Variants in NCKAP5 observed in about 807,000 individuals in gnomAD.
NCKAP5 encodes NCK associated protein 5, also known as nck-associated protein 5.
In NCKAP5, 92 loss-of-function variants were observed where a neutral mutation model predicts 167.0. The observed-to-expected ratio is 0.55, with a 90% confidence interval of 0.47 to 0.66. The LOEUF (loss-of-function observed/expected upper bound fraction) is 0.66, where lower values mean the gene tolerates loss of function less well. Among genes scored for constraint, NCKAP5 ranks in the 30% least tolerant of loss-of-function variants. The pLI is 0.00. For synonymous variants in NCKAP5, 891 were observed against 877.4 expected (o/e 1.02, Z -0.27); for missense variants, 2,378 against 2,315.0 (o/e 1.03, Z -0.56).
rs116225442 is a variant in NCKAP5, at chr2:132,677,410, C to T, written c.5714-4105G>A. On this transcript the variant is annotated intron_variant, in intron 19 of 19. Coordinates refer to ENST00000409261, the MANE Select transcript of NCKAP5 (RefSeq NM_207363.3). ...CTCCAGAAATCTCTTGAGAATTAGA[C>T]CTTTATTAATTTAATTCCTTGTAGT... is the stretch of plus-strand genomic sequence containing the variant. Among the ~76,000 whole-genome samples, 1,141 of 152,176 alleles carry T rather than the reference C, an allele frequency of 7.5e-3. 16 individuals carry two copies. Among genetic ancestry groups the T allele is most frequent in the African/African-American group, 0.027 (1,104 of 41,526 alleles).
intron 4 of NCKAP5, among the ~76,000 whole-genome samples, chr2:133,223,217 T>C (rs1174590893): frequency 6.6e-6 from 1 of 152,222 alleles, no homozygotes; most frequent in East Asian, 1.9e-4. Context: ...TTACTCTCAT[T>C]TATGCCTTGG....
chr2:133,063,444 T>G (rs1374102582), intron 6 of NCKAP5, among the ~76,000 whole-genome samples: 2 of 152,198 alleles, frequency 1.3e-5, no homozygotes, highest in Non-Finnish European at 2.9e-5. Context: ...CTTTTTCTGG[T>G]AGGAAGAGTT....
chr2:133,203,515 T>G (rs1030913607), intron 5 of NCKAP5, among the ~76,000 whole-genome samples: 1 of 152,104 alleles, frequency 6.6e-6, no homozygotes, highest in Non-Finnish European at 1.5e-5. Flanking sequence ...ATTGTGCACA[T>G]GTACCCTAGA....
intron 16 of NCKAP5, among the ~76,000 whole-genome samples, chr2:132,735,423 A>G (rs1338200439): frequency 6.6e-6 from 1 of 152,124 alleles, no homozygotes; most frequent in African/African-American, 2.4e-5. Flanking sequence ...CTTGCATTTG[A>G]GACACCTGCT....
At chr2:133,313,638 ATTTTGTTTTTGT>A (rs1356839445) in intron 3 of NCKAP5, among the ~76,000 whole-genome samples, 15 of 151,638 alleles carry the variant, frequency 9.9e-5, no homozygotes, top group Non-Finnish European at 1.9e-4. Flanking sequence ...AAGTTCACTT[ATTTTGTTTTTGT>A]TTTTTTTTTC....
intron 17 of NCKAP5, among the ~76,000 whole-genome samples, chr2:132,731,001 A>G (rs1370035073): frequency 1.3e-5 from 2 of 152,188 alleles, no homozygotes; most frequent in Admixed American, 6.5e-5. Context: ...CTCCTTTCTA[A>G]TCATCAACTC....
upstream of NCKAP5, among the ~76,000 whole-genome samples, chr2:133,569,804 T>C (rs1688791057): frequency 6.6e-6 from 1 of 152,150 alleles, no homozygotes; most frequent in South Asian, 2.1e-4. Context: ...GCTACTTTCA[T>C]GTGGGAAATA....
chr2:133,258,829 TAGAG>T lies in NCKAP5; in HGVS notation c.143+44204_143+44207del, dbSNP rs753423727. On this transcript the variant is annotated intron_variant, in intron 4 of 19. Coordinates refer to ENST00000409261, the MANE Select transcript of NCKAP5 (RefSeq NM_207363.3). Reference sequence around the variant, plus strand: ...GATCAAAACTATTTTAAGAAATTCTTAGAGAGAACTTCTGTAGGAGAGAAACATT... The same window carrying T: ...GATCAAAACTATTTTAAGAAATTCTTAGAACTTCTGTAGGAGAGAAACATT... 7.2e-5 allele frequency among the ~76,000 whole-genome samples: 11 copies of T among 152,202 alleles called. No homozygotes were observed. In the South Asian group the frequency reaches 1.7e-3, roughly 23 times the overall value.
At chr2:133,042,778 C>T (rs552877841) in intron 6 of NCKAP5, among the ~76,000 whole-genome samples, 2 of 152,234 alleles carry the variant, frequency 1.3e-5, no homozygotes, top group Admixed American at 6.5e-5. Context: ...TTTAATTTAA[C>T]CCCCACTAAA....
chr2:133,436,548 T>C (rs1216472489), intron 3 of NCKAP5, among the ~76,000 whole-genome samples: 30 of 152,188 alleles, frequency 2.0e-4, no homozygotes. Context: ...CCCTGGCCTT[T>C]CTAGTCATGT....
At chr2:133,666,992 G>T in the NCKAP5 span, among the ~76,000 whole-genome samples, 1 of 152,048 alleles carries the variant, frequency 6.6e-6, no homozygotes, top group African/African-American at 2.4e-5. Flanking sequence ...AACTGAAATG[G>T]AGAGGCATGC....
intron 3 of NCKAP5, among the ~76,000 whole-genome samples, chr2:133,307,167 A>G (rs1680837992): frequency 6.6e-6 from 1 of 152,214 alleles, no homozygotes; most frequent in Non-Finnish European, 1.5e-5. Context: ...CCCACCTTAG[A>G]TACAATAAAC....
intron 6 of NCKAP5, among the ~76,000 whole-genome samples, chr2:133,071,978 A>G (rs1345832247): frequency 6.6e-6 from 1 of 152,186 alleles, no homozygotes; most frequent in Non-Finnish European, 1.5e-5. Context: ...AGTACTCATT[A>G]TGAATTAGCT....
chr2:133,364,643 T>G (rs1041380796), intron 3 of NCKAP5, among the ~76,000 whole-genome samples: 1 of 152,228 alleles, frequency 6.6e-6, no homozygotes, highest in Non-Finnish European at 1.5e-5. Flanking sequence ...ATTCTCTGAT[T>G]TTCTGTTTTT....
chr2:132,781,160 C>A lies in NCKAP5; in HGVS notation c.4941G>T (p.Lys1647Asn). 6.2e-7 allele frequency: 1 copy of A among 1,613,872 alleles called. No individual in the cohort carries two copies. The highest frequency in any genetic ancestry group is 8.5e-7 in the Non-Finnish European group (1 of 1,179,836). Residue 1647 changes from lysine (K) to asparagine (N), a missense_variant, in exon 15 of 20, where the codon AAG (lysine) becomes AAT (asparagine). Physicochemically the swap from Lys to Asn is moderately conservative, Grantham distance 94. This residue lies in a region of NCKAP5 where 1,325 missense variants were observed against 1,274.5 expected (regional missense o/e 1.04). Coordinates refer to ENST00000409261, the MANE Select transcript of NCKAP5 (RefSeq NM_207363.3). Reference sequence around the variant, plus strand: ...TGAGACAGGAGCCCTGAGAACTGCCCTTTAACACATTCCTGCAGGAAGCAT... The same window carrying A: ...TGAGACAGGAGCCCTGAGAACTGCCATTTAACACATTCCTGCAGGAAGCAT... Reference protein sequence around the residue: ...SSNASCRNVLKGSSQGSCLIG... With the variant: ...SSNASCRNVLNGSSQGSCLIG...
chr2:132,933,536 C>T (rs111385291), intron 8 of NCKAP5, among the ~76,000 whole-genome samples: 8 of 152,172 alleles, frequency 5.3e-5, no homozygotes, highest in African/African-American at 1.2e-4. Flanking sequence ...GTGTTTCTCA[C>T]GGATTGTTGA....
chr2:133,055,918 G>A (rs1224774008), intron 6 of NCKAP5, among the ~76,000 whole-genome samples: 1 of 152,110 alleles, frequency 6.6e-6, no homozygotes, highest in Non-Finnish European at 1.5e-5. Context: ...TTTATCATGA[G>A]CTTTAATTAT....
intron 3 of NCKAP5, among the ~76,000 whole-genome samples, chr2:133,370,366 T>C (rs1685719265): frequency 6.6e-6 from 1 of 152,156 alleles, no homozygotes; most frequent in African/African-American, 2.4e-5. Context: ...AAAGTGGATA[T>C]GAGGAAGGAC....
chr2:133,208,937 A>C (rs374475120), intron 5 of NCKAP5, among the ~76,000 whole-genome samples: 2 of 152,202 alleles, frequency 1.3e-5, no homozygotes, highest in African/African-American at 4.8e-5. Context: ...GAGCATTTGT[A>C]ATATGGTAAG....
Sources: allele counts gnomAD v4.1 joint callset (sites outside exome capture counted in the v4.1 genomes callset), GRCh38; gene constraint gnomAD v4.1.1; regional missense constraint gnomAD v4.1.1; transcripts MANE v1.5; gene names NCBI Gene and HGNC (gene_info 2026-07-23, HGNC 2026-07-21).